Variants in NBAS observed in about 807,000 individuals in gnomAD.
The protein encoded by NBAS is NAG/BC035112 fusion.
In NBAS, 219 loss-of-function variants were observed where a neutral mutation model predicts 302.5. The observed-to-expected ratio is 0.72, with a 90% CI of 0.65 to 0.81. The LOEUF (loss-of-function observed/expected upper bound fraction) is 0.81. NBAS is among the 30% of genes least tolerant of loss of function. The probability of loss-of-function intolerance (pLI) is 0.00; values close to 1 mark genes in which losing one functional copy is unlikely to be tolerated. For synonymous variants in NBAS, 1,118 were observed against 1,021.6 expected (o/e 1.09, Z -1.80); for missense variants, 2,932 against 2,841.6 (o/e 1.03, Z -0.72).
At chr2:15,491,153 G>A (rs1380294863) in intron 11 of NBAS, among the ~76,000 whole-genome samples, 1 of 152,164 alleles carries the variant, frequency 6.6e-6, no homozygotes, top group Non-Finnish European at 1.5e-5. Context: ...AAACATCAGA[G>A]GCAGGAAAGT....
intron 38 of NBAS, among the ~76,000 whole-genome samples, chr2:15,318,764 C>T (rs1671642064): frequency 6.6e-6 from 1 of 152,092 alleles, no homozygotes; most frequent in South Asian, 2.1e-4. Flanking sequence ...TCCTTAGAGA[C>T]CTAAAAGAGA....
chr2:14,841,354 T>C, the NBAS span, among the ~76,000 whole-genome samples: 3 of 151,064 alleles, frequency 2.0e-5, no homozygotes, highest in African/African-American at 7.3e-5. Flanking sequence ...AAAATATAAA[T>C]GGAGTCAATT....
the NBAS span, among the ~76,000 whole-genome samples, chr2:14,984,894 T>G: frequency 2.7e-4 from 41 of 151,590 alleles, no homozygotes; most frequent in Middle Eastern, 3.4e-3. Context: ...TGCCTCAGAG[T>G]GGTGGTGGGT....
intron 5 of NBAS, 138 bp downstream of exon 5, chr2:15,553,288 G>T: frequency 1.3e-6 from 1 of 781,198 alleles, no homozygotes; most frequent in Non-Finnish European, 2.2e-6. Context: ...GTAAGTTGGT[G>T]TTTGACACTC....
At chr2:15,164,693 T>C (rs1663972581), downstream of NBAS, among the ~76,000 whole-genome samples, 1 of 152,202 alleles carries the variant, frequency 6.6e-6, no homozygotes, top group Non-Finnish European at 1.5e-5. Flanking sequence ...CAAGACAACA[T>C]ATCATCTTAC....
intron 40 of NBAS, among the ~76,000 whole-genome samples, chr2:15,302,844 G>A (rs1409226083): frequency 6.6e-6 from 1 of 152,144 alleles, no homozygotes; most frequent in Non-Finnish European, 1.5e-5. Context: ...AATAAAGCAG[G>A]CAGAAGAAGG....
chr2:15,167,193 C>G lies in NBAS; in HGVS notation c.6971G>C (p.Arg2324Pro). The G allele has an allele frequency of 1.2e-6, 2 of 1,614,244 alleles. No individual in the cohort carries two copies. The highest frequency in any genetic ancestry group is 1.7e-6 in the Non-Finnish European group (2 of 1,180,050). ...DHLLASLQQG[R>P]WDAEELGRHL... ...TCTGCCCAGCTCCTCTGCATCCCAG[C>G]GCCCTTGCTGGAGGCTAGCCAAGAG... is the stretch of plus-strand genomic sequence containing the variant. The change falls in exon 52 of 52, where the codon CGC becomes CCC. Residue 2324 changes from arginine to proline, a missense_variant. Coordinates refer to ENST00000281513, the MANE Select transcript of NBAS (RefSeq NM_015909.4).
At chr2:15,379,967 A>G (rs1425949181) in intron 29 of NBAS, 136 bp from the exon 30 acceptor site, 5 of 706,120 alleles carry the variant, frequency 7.1e-6, no homozygotes, top group Non-Finnish European at 9.7e-6. Context: ...AGCACTGTAA[A>G]TGTACTAAAT....
chr2:15,331,820 A>C (rs1476564480), intron 35 of NBAS, among the ~76,000 whole-genome samples: 3 of 152,220 alleles, frequency 2.0e-5, no homozygotes, highest in Non-Finnish European at 4.4e-5. Flanking sequence ...TGACTATGTA[A>C]CATGCCATGG....
intron 40 of NBAS, 139 bp from the exon 41 acceptor site, chr2:15,292,905 G>A: frequency 1.2e-6 from 1 of 853,324 alleles, no homozygotes; most frequent in South Asian, 1.5e-5. Context: ...GCTCACAACG[G>A]CCCTGAAAAG....
chr2:15,436,802 C>T (rs1678038861), intron 21 of NBAS, among the ~76,000 whole-genome samples: 1 of 152,144 alleles, frequency 6.6e-6, no homozygotes, highest in South Asian at 2.1e-4. Context: ...ATGTGTCTTG[C>T]TCCTTCACTA....
intron 47 of NBAS, 99 bp from the exon 48 acceptor site, chr2:15,219,067 G>T: frequency 7.0e-7 from 1 of 1,435,746 alleles, no homozygotes; most frequent in Non-Finnish European, 9.5e-7. Context: ...CTTGTTTGTT[G>T]GATGACTTCG....
At chr2:14,997,361 T>C in the NBAS span, among the ~76,000 whole-genome samples, 1 of 151,924 alleles carries the variant, frequency 6.6e-6, no homozygotes, top group Admixed American at 6.6e-5. Context: ...GTGGCTTCCC[T>C]TTCTAGTCTG....
At chr2:14,803,580 T>G in the NBAS span, among the ~76,000 whole-genome samples, 2 of 152,256 alleles carry the variant, frequency 1.3e-5, no homozygotes, top group African/African-American at 2.4e-5. Context: ...CATTGTTTCT[T>G]TCTGGTGTTT....
At chr2:15,368,871 G>A (rs531053041) in intron 31 of NBAS, among the ~76,000 whole-genome samples, 7 of 152,226 alleles carry the variant, frequency 4.6e-5, no homozygotes, top group South Asian at 2.1e-4. Flanking sequence ...GTGGTGCTGC[G>A]GCTAACCAAA....
At chr2:15,296,331 G>A (rs991526818) in intron 40 of NBAS, among the ~76,000 whole-genome samples, 2 of 152,142 alleles carry the variant, frequency 1.3e-5, no homozygotes, top group African/African-American at 2.4e-5. Context: ...TTGAGGTCAG[G>A]AGTTGAAGAC....
At chr2:14,954,747 T>A in the NBAS span, among the ~76,000 whole-genome samples, 1 of 152,168 alleles carries the variant, frequency 6.6e-6, no homozygotes, top group East Asian at 1.9e-4. Context: ...TCAGATTTCA[T>A]GAGAACTCAC....
chr2:14,987,426 C>T, the NBAS span, among the ~76,000 whole-genome samples: 1 of 151,594 alleles, frequency 6.6e-6, no homozygotes, highest in African/African-American at 2.4e-5. Context: ...TTGCATTTTA[C>T]CGACATAGCC....
the NBAS span, among the ~76,000 whole-genome samples, chr2:14,931,400 G>A: frequency 2.0e-5 from 3 of 152,186 alleles, no homozygotes; most frequent in Non-Finnish European, 4.4e-5. Context: ...TGTTTCTGGT[G>A]TATCATTGAT....
Sources: gnomAD v4.1 joint callset for allele counts (sites outside exome capture counted in the v4.1 genomes callset) on GRCh38, gnomAD v4.1.1 for gene constraint, MANE v1.5 for transcripts, NCBI Gene and HGNC (gene_info 2026-07-23, HGNC 2026-07-21) for gene names.